The following SQOR variants were observed in gnomAD, a reference collection of about 807,000 sequenced individuals.
SQOR encodes the protein sulfide quinone oxidoreductase.
Under a neutral mutation model 48.6 loss-of-function variants are expected in SQOR, and 39 were observed. The observed-to-expected ratio is 0.80, with a 90% confidence interval of 0.62 to 1.05. The LOEUF is 1.05. Ranked by LOEUF, SQOR falls within the 50% of genes least tolerant of loss-of-function variation. The pLI, the probability that SQOR is intolerant of heterozygous loss-of-function variation, is 0.00. For synonymous variants in SQOR, 220 were observed against 206.2 expected (o/e 1.07, Z -0.57); for missense variants, 561 against 559.9 (o/e 1.00, Z -0.02).
At position 45,644,860 on chromosome 15, in the gene SQOR, G is replaced by T. The variant is rs537236192; in HGVS notation, c.-18+9752G>T. On this transcript the variant is annotated intron_variant, in intron 1 of 9. Coordinates refer to ENST00000260324, the MANE Select transcript of SQOR (RefSeq NM_021199.4). Reference sequence around the variant, plus strand: ...GCAGGGGAAAATTGCCTCTTGCAGGGTTAAAGCCAAATAGAGGAGGTGGTT... The same window carrying T: ...GCAGGGGAAAATTGCCTCTTGCAGGTTTAAAGCCAAATAGAGGAGGTGGTT... Among the ~76,000 whole-genome samples, 36 of 152,298 alleles carry T rather than the reference G, an allele frequency of 2.4e-4. No individual in the cohort carries two copies. The South Asian group carries it at 7.3e-3, about 31-fold the overall frequency.
chr15:45,687,987 G>C (rs908723801), intron 7 of SQOR, among the ~76,000 whole-genome samples: 2 of 152,200 alleles, frequency 1.3e-5, no homozygotes, highest in Non-Finnish European at 2.9e-5. Context: ...GGGACACAGG[G>C]ATAACCCACA....
Position 45,690,968 on chromosome 15 carries a change from T to C in SQOR, c.1296-5T>C. 1.2e-6 allele frequency: 2 copies of C among 1,614,146 alleles called. No homozygotes were observed. The highest frequency in any genetic ancestry group is 2.2e-5 in the South Asian group (2 of 91,088). ...AGGTACATTTTTTTGTGTTATTTCT[T>C]ACAGGGGTTACTGGGGAGGACCAGC... On this transcript the variant is annotated splice_region_variant and splice_polypyrimidine_tract_variant and intron_variant, in intron 9 of 9. Transcript: ENST00000260324.
At chr15:45,645,645 A>G (rs931175626) in intron 1 of SQOR, among the ~76,000 whole-genome samples, 1 of 152,224 alleles carries the variant, frequency 6.6e-6, no homozygotes, top group Non-Finnish European at 1.5e-5. Context: ...GTCAACTGAA[A>G]CATGGCTTGT....
At chr15:45,633,693 C>CAA (rs397854330), upstream of SQOR, among the ~76,000 whole-genome samples, 165 of 77,498 alleles carry the variant, frequency 2.1e-3, 2 homozygotes, top group African/African-American at 6.7e-3. Flanking sequence ...GACTTCGCCT[C>CAA]AAAAAAAAAA....
At chr15:45,673,978 T>C (rs1397964102) in intron 5 of SQOR, 177 bp downstream of exon 5, 14 of 650,590 alleles carry the variant, frequency 2.2e-5, no homozygotes, top group African/African-American at 3.7e-5. Flanking sequence ...AAATCACTCA[T>C]GATCCAATTG....
intron 5 of SQOR, among the ~76,000 whole-genome samples, chr15:45,674,699 G>A (rs1464264149): frequency 6.6e-6 from 1 of 152,200 alleles, no homozygotes; most frequent in Non-Finnish European, 1.5e-5. Flanking sequence ...TTGGGCAGGA[G>A]GAGACTTTCT....
chr15:45,684,240 G>A (rs1184262550), intron 7 of SQOR, among the ~76,000 whole-genome samples: 1 of 152,048 alleles, frequency 6.6e-6, no homozygotes, highest in African/African-American at 2.4e-5. Context: ...TCCTAAAAAT[G>A]TCCTTTTTTG....
chr15:45,640,427 C>T (rs923887488), intron 1 of SQOR, among the ~76,000 whole-genome samples: 1 of 152,128 alleles, frequency 6.6e-6, no homozygotes, highest in African/African-American at 2.4e-5. Flanking sequence ...GGTCTCTTGA[C>T]TCTTGATATG....
At chr15:45,655,850 A>AT (rs144203234) in intron 1 of SQOR, among the ~76,000 whole-genome samples, 14 of 150,778 alleles carry the variant, frequency 9.3e-5, no homozygotes, top group East Asian at 2.0e-4. Context: ...TGCCCAGCTA[A>AT]TTTTTTTTTG....
rs541400760 is a variant in SQOR, at chr15:45,654,783, C to T, written c.-17-4124C>T. Among the ~76,000 whole-genome samples the T allele has an allele frequency of 1.1e-3, 171 of 152,100 alleles. No individual in the cohort carries two copies. In the Middle Eastern group the frequency reaches 0.014, roughly 12 times the overall value. ...GGTCTTCTGAGTGGAAAGACGTGGC[C>T]GGTGGTGGATATGTCAGATTTTATA... On this transcript the variant is annotated intron_variant, in intron 1 of 9. Coordinates refer to ENST00000260324, the MANE Select transcript of SQOR (RefSeq NM_021199.4).
intron 1 of SQOR, among the ~76,000 whole-genome samples, chr15:45,652,830 G>A (rs1889520536): frequency 6.6e-6 from 1 of 151,592 alleles, no homozygotes; most frequent in African/African-American, 2.4e-5. Context: ...ACTTAGGTAG[G>A]TGTGGTGGCA....
chr15:45,649,054 T>C (rs1398736216), intron 1 of SQOR, among the ~76,000 whole-genome samples: 3 of 152,262 alleles, frequency 2.0e-5, no homozygotes, highest in African/African-American at 7.2e-5. Context: ...TAATTCTTGC[T>C]TAGCCAGCAG....
At chr15:45,679,301 G>C (rs549548229) in intron 6 of SQOR, among the ~76,000 whole-genome samples, 1 of 152,298 alleles carries the variant, frequency 6.6e-6, no homozygotes, top group Non-Finnish European at 1.5e-5. Context: ...CTGATGCCTG[G>C]CCTCTTTATA....
intron 2 of SQOR, 117 bp from the exon 3 acceptor site, chr15:45,661,838 T>G (rs1298796974): frequency 9.2e-7 from 1 of 1,087,060 alleles, no homozygotes; most frequent in African/African-American, 1.6e-5. Context: ...GACTTTTCCA[T>G]ACGATGCTCT....
At chr15:45,672,732 A>G (rs1273756277) in intron 4 of SQOR, among the ~76,000 whole-genome samples, 2 of 152,206 alleles carry the variant, frequency 1.3e-5, no homozygotes, top group Admixed American at 6.5e-5. Context: ...ATAGGTGTCT[A>G]GTTGATCTTA....
intron 1 of SQOR, among the ~76,000 whole-genome samples, chr15:45,643,867 T>C (rs1895148606): frequency 6.6e-6 from 1 of 152,160 alleles, no homozygotes; most frequent in African/African-American, 2.4e-5. Flanking sequence ...GGAGAAGATA[T>C]CTTAAGTTTC....
Position 45,689,195 on chromosome 15 carries a change from CTG to C in SQOR, c.1275_1276del (p.Tyr426LeufsTer46). 6.2e-7 allele frequency: 1 copy of C among 1,614,014 alleles called. No individual in the cohort carries two copies. Among genetic ancestry groups the C allele is most frequent in the Non-Finnish European group, 8.5e-7 (1 of 1,179,982 alleles). On this transcript the variant is annotated frameshift_variant, in exon 9 of 10. Coordinates refer to ENST00000260324, the MANE Select transcript of SQOR (RefSeq NM_021199.4). LOFTEE classifies it high-confidence loss of function. ...YLMKADLMPF[L>X]YWNMMLRGYW... The stretch of plus-strand genomic sequence containing the variant: ...CATGAAAGCTGACCTGATGCCTTTC[CTG>C]TATTGGAATATGATGCTAAGGTAAG...
chr15:45,645,393 C>G (rs1348951949), intron 1 of SQOR, among the ~76,000 whole-genome samples: 1 of 152,002 alleles, frequency 6.6e-6, no homozygotes, highest in African/African-American at 2.4e-5. Flanking sequence ...CTATGGGGTG[C>G]CTAGAAATTT....
intron 6 of SQOR, among the ~76,000 whole-genome samples, chr15:45,680,735 A>G (rs531010888): frequency 6.6e-6 from 1 of 152,302 alleles, no homozygotes; most frequent in South Asian, 2.1e-4. Context: ...TAATAAATCC[A>G]TAAAGTAGAC....
Sources: allele counts gnomAD v4.1 joint callset (sites outside exome capture counted in the v4.1 genomes callset), GRCh38; gene constraint gnomAD v4.1.1; transcripts MANE v1.5; gene names NCBI Gene and HGNC (gene_info 2026-07-23, HGNC 2026-07-21).